NCOA2: variants seen among roughly 807,000 people sequenced by gnomAD.
NCOA2 encodes the protein nuclear receptor coactivator 2, also known as class E basic helix-loop-helix protein 75.
A neutral mutation model predicts 145.1 loss-of-function variants in NCOA2; 21 were observed. The observed-to-expected ratio is 0.14, with a 90% CI of 0.10 to 0.21. The LOEUF is 0.21. Among genes scored for constraint, NCOA2 ranks in the 10% least tolerant of loss-of-function variants. NCOA2 has a pLI of 1.00. For synonymous variants in NCOA2, 619 were observed against 637.5 expected, an observed-to-expected ratio of 0.97 and a Z score of 0.44; for missense variants, 1,472 against 1,837.6, an observed-to-expected ratio of 0.80 and a Z score of 3.64.
intron 10 of NCOA2, among the ~76,000 whole-genome samples, chr8:70,159,238 A>ATTTTTTTTTTTTTTTTTTT (rs1168313720): frequency 1.1e-5 from 1 of 93,384 alleles, no homozygotes; most frequent in African/African-American, 5.4e-5. Flanking sequence ...ATATATATAT[A>ATTTTTTTTTTTTTTTTTTT]TATATTTTTT....
At chr8:70,369,287 C>T (rs1420928971) in intron 1 of NCOA2, among the ~76,000 whole-genome samples, 3 of 152,170 alleles carry the variant, frequency 2.0e-5, no homozygotes, top group Non-Finnish European at 4.4e-5. Flanking sequence ...TTAAGGAAGG[C>T]TGTAGTACAA....
At chr8:70,359,527 A>G (rs1810027047) in intron 1 of NCOA2, among the ~76,000 whole-genome samples, 1 of 152,208 alleles carries the variant, frequency 6.6e-6, no homozygotes, top group South Asian at 2.1e-4. Context: ...CATAGAGACA[A>G]CATGCAGATT....
At position 70,144,706 on chromosome 8, in the gene NCOA2, C is replaced by G; in HGVS notation, c.2748G>C (p.Gln916His). 1 of 1,613,944 alleles carries G rather than the reference C, an allele frequency of 6.2e-7. No individual in the cohort carries two copies. Among genetic ancestry groups the G allele is most frequent in the Non-Finnish European group, 8.5e-7 (1 of 1,179,878 alleles). ...TCCCTTGATTACCCATCATTCCTGG[C>G]TGAGGTATCACTGAGTAGGGACTAC... ...RNSSPYSVIP[Q>H]PGMMGNQGMI... The change falls in exon 13 of 23, where the codon CAG (glutamine) becomes CAC (histidine). Residue 916 changes from glutamine to histidine, a missense_variant. Gln to His is a conservative substitution (Grantham distance 24, BLOSUM62 0). Coordinates refer to ENST00000452400, the MANE Select transcript of NCOA2 (RefSeq NM_006540.4).
intron 1 of NCOA2, among the ~76,000 whole-genome samples, chr8:70,372,741 C>T (rs894134705): frequency 1.3e-5 from 2 of 152,134 alleles, no homozygotes; most frequent in Non-Finnish European, 2.9e-5. Context: ...ACATTTCTAC[C>T]ATTCCAAAAA....
intron 2 of NCOA2, among the ~76,000 whole-genome samples, chr8:70,227,466 T>C (rs950884040): frequency 6.6e-6 from 1 of 152,226 alleles, no homozygotes; most frequent in Non-Finnish European, 1.5e-5. Context: ...TACCTTTTTA[T>C]GCTCTTTTCT....
chr8:70,160,500 TAAAA>T (rs397948517), intron 9 of NCOA2, among the ~76,000 whole-genome samples: 1 of 151,050 alleles, frequency 6.6e-6, no homozygotes, highest in Admixed American at 6.6e-5. Flanking sequence ...TCAATTCAGT[TAAAA>T]AAAAAGACAT....
the NCOA2 span, among the ~76,000 whole-genome samples, chr8:70,414,664 G>A: frequency 6.6e-6 from 1 of 152,194 alleles, no homozygotes; most frequent in African/African-American, 2.4e-5. Context: ...TAGGAAGACA[G>A]CTCTGAGAAT....
At chr8:70,396,769 T>C (rs182686086) in intron 1 of NCOA2, among the ~76,000 whole-genome samples, 53 of 152,346 alleles carry the variant, frequency 3.5e-4, no homozygotes, top group Admixed American at 7.2e-4. Context: ...TTTGCAGGAC[T>C]GGAACTATTC....
intron 16 of NCOA2, among the ~76,000 whole-genome samples, chr8:70,129,294 C>T (rs1808812081): frequency 6.6e-6 from 1 of 152,210 alleles, no homozygotes; most frequent in African/African-American, 2.4e-5. Flanking sequence ...TCATATTGGC[C>T]TGGACTTTCA....
chr8:70,313,051 T>C (rs779103903), intron 1 of NCOA2, among the ~76,000 whole-genome samples: 3 of 152,220 alleles, frequency 2.0e-5, no homozygotes, highest in Non-Finnish European at 2.9e-5. Flanking sequence ...TACAGAGATC[T>C]GTATCTAAAA....
intron 4 of NCOA2, among the ~76,000 whole-genome samples, chr8:70,212,508 T>C (rs1010528535): frequency 1.3e-5 from 2 of 152,122 alleles, no homozygotes; most frequent in Non-Finnish European, 2.9e-5. Context: ...TGTTAGAAAC[T>C]GTGTTGTGAA....
the NCOA2 span, among the ~76,000 whole-genome samples, chr8:70,416,315 A>G: frequency 6.6e-6 from 1 of 152,100 alleles, no homozygotes; most frequent in Non-Finnish European, 1.5e-5. Context: ...GTGTTTGGCC[A>G]AACAACTGGG....
At chr8:70,188,437 A>C (rs73684215) in intron 4 of NCOA2, among the ~76,000 whole-genome samples, 20,529 of 152,210 alleles carry the variant, frequency 0.13, 2,450 homozygotes, top group African/African-American at 0.32. Context: ...CAAAGCAATA[A>C]ATAATCACTT....
At chr8:70,454,133 T>C in the NCOA2 span, among the ~76,000 whole-genome samples, 9 of 152,392 alleles carry the variant, frequency 5.9e-5, no homozygotes, top group Non-Finnish European at 1.0e-4. Context: ...AAGATTCTAA[T>C]ACTCCCTTCC....
At chr8:70,181,924 T>C (rs1815529450) in intron 4 of NCOA2, among the ~76,000 whole-genome samples, 1 of 152,206 alleles carries the variant, frequency 6.6e-6, no homozygotes, top group Non-Finnish European at 1.5e-5. Flanking sequence ...GACCAAGCAC[T>C]ATAGATGAAA....
intron 15 of NCOA2, among the ~76,000 whole-genome samples, chr8:70,132,818 G>A (rs751570584): frequency 2.6e-5 from 4 of 152,102 alleles, no homozygotes; most frequent in Non-Finnish European, 4.4e-5. Context: ...CACCCACTTC[G>A]GTCTCCCTAA....
At chr8:70,250,781 A>G (rs946606661) in intron 2 of NCOA2, among the ~76,000 whole-genome samples, 18 of 152,216 alleles carry the variant, frequency 1.2e-4, no homozygotes, top group African/African-American at 4.1e-4. Context: ...TCTGAAGGTG[A>G]CATGTTTAAC....
intron 1 of NCOA2, among the ~76,000 whole-genome samples, chr8:70,373,064 T>A (rs1317214663): frequency 6.6e-6 from 1 of 152,224 alleles, no homozygotes; most frequent in Non-Finnish European, 1.5e-5. Flanking sequence ...TCAATAAAGC[T>A]ACTAGGAACA....
intron 2 of NCOA2, among the ~76,000 whole-genome samples, chr8:70,271,554 C>T (rs1387625137): frequency 6.6e-6 from 1 of 152,200 alleles, no homozygotes; most frequent in African/African-American, 2.4e-5. Context: ...CTGAAAGTTG[C>T]TCTCACTAGA....
Sources: gnomAD v4.1 joint callset for allele counts (sites outside exome capture counted in the v4.1 genomes callset) on GRCh38, gnomAD v4.1.1 for gene constraint, MANE v1.5 for transcripts, NCBI Gene and HGNC (gene_info 2026-07-23, HGNC 2026-07-21) for gene names.